Variants in ZEB2 observed in about 807,000 individuals in gnomAD.
The protein encoded by ZEB2 is zinc finger E-box-binding homeobox 2.
In ZEB2, 6 loss-of-function variants were observed where a neutral mutation model predicts 99.9. The observed-to-expected ratio is 0.06, with a 90% CI of 0.03 to 0.12. The LOEUF is 0.12. Among genes scored for constraint, ZEB2 ranks in the 10% least tolerant of loss-of-function variants. ZEB2 has a pLI of 1.00. For missense variants in ZEB2, 969 were observed against 1,502.8 expected (o/e 0.64, Z 5.87); for synonymous variants, 517 against 542.5 (o/e 0.95, Z 0.65).
At chr2:144,447,007 C>T (rs186293233) in intron 2 of ZEB2, among the ~76,000 whole-genome samples, 5 of 134,352 alleles carry the variant, frequency 3.7e-5, no homozygotes, top group Admixed American at 1.6e-4. Flanking sequence ...CAGAGTGAGA[C>T]ACTGTTTCAA....
chr2:144,484,822 C>T (rs911344123), intron 2 of ZEB2, among the ~76,000 whole-genome samples: 2 of 151,928 alleles, frequency 1.3e-5, no homozygotes, highest in Non-Finnish European at 2.9e-5. Context: ...GAACTCTCTG[C>T]CCAGCCTGTA....
Position 144,386,376 on chromosome 2 carries a change from G to A in ZEB2, c.*3075C>T, listed in dbSNP as rs937193312. 2 of 151,992 alleles carry A rather than the reference G, an allele frequency of 1.3e-5. No individual in the cohort carries two copies. The highest frequency in any genetic ancestry group is 4.8e-5 in the African/African-American group (2 of 41,376). The allele number at this position is 151,992 out of a possible 1,614,324, so 9.4% of individuals were successfully genotyped here. Reference sequence around the variant, plus strand: ...GCCCTAATGTGCAATCGTGTCCAGCGGATAAATAGCATTAAAAAAAACTCC... The same window carrying A: ...GCCCTAATGTGCAATCGTGTCCAGCAGATAAATAGCATTAAAAAAAACTCC... On this transcript the variant is annotated 3_prime_UTR_variant, in exon 10 of 10. Transcript: ENST00000627532.
intron 2 of ZEB2, chr2:144,516,558 C>A (rs1705148975): frequency 6.6e-6 from 1 of 150,728 alleles, no homozygotes; most frequent in African/African-American, 2.4e-5. Context: ...TAGAAACTGC[C>A]GGGAAAAGTC....
chr2:144,419,816 T>C lies in ZEB2; in HGVS notation c.403+4980A>G, dbSNP rs768564288. On this transcript the variant is annotated intron_variant, in intron 4 of 9. Coordinates refer to ENST00000627532, the MANE Select transcript of ZEB2 (RefSeq NM_014795.4). ...AAAAAAATAAAAACTGGTGAACTTA[T>C]GCAATGTGGAAAGTTATTAATATAA... is the stretch of plus-strand genomic sequence containing the variant. 1.1e-4 allele frequency among the ~76,000 whole-genome samples: 16 copies of C among 152,358 alleles called. No individual in the cohort carries two copies. The East Asian group carries it at 1.7e-3, about 16-fold the overall frequency.
At chr2:144,495,569 G>A (rs1048666713) in intron 2 of ZEB2, 7 of 152,110 alleles carry the variant, frequency 4.6e-5, no homozygotes, top group African/African-American at 1.2e-4. Flanking sequence ...AAATATATAC[G>A]CCTAGACTGT....
chr2:144,463,863 AAAAAG>A (rs1413811922), intron 2 of ZEB2: 10 of 151,550 alleles, frequency 6.6e-5, no homozygotes, highest in African/African-American at 1.7e-4. Context: ...CAAAAAACAA[AAAAAG>A]AAAGACAGAG....
intron 4 of ZEB2, among the ~76,000 whole-genome samples, chr2:144,406,527 C>T (rs1420248427): frequency 6.6e-6 from 1 of 152,036 alleles, no homozygotes; most frequent in African/African-American, 2.4e-5. Flanking sequence ...TGGAGAAGAG[C>T]AGCATGTGCA....
chr2:144,472,096 A>G (rs773750063), intron 2 of ZEB2, among the ~76,000 whole-genome samples: 21 of 144,806 alleles, frequency 1.5e-4, no homozygotes, highest in Admixed American at 8.7e-4. Flanking sequence ...ATTTAATGGG[A>G]AAAAAAAACT....
At chr2:144,401,118 T>G in intron 7 of ZEB2, 81 bp downstream of exon 7, 2 of 1,260,656 alleles carry the variant, frequency 1.6e-6, no homozygotes, top group Admixed American at 1.7e-5. Context: ...CAAATAGGAC[T>G]GTGTAAATTT....
At chr2:144,470,496 A>G (rs1324104236) in intron 2 of ZEB2, 1 of 152,204 alleles carries the variant, frequency 6.6e-6, no homozygotes, top group South Asian at 2.1e-4. Flanking sequence ...TTTTAAAGTC[A>G]GTCTGTAGAA....
chr2:144,389,518 C>T lies in ZEB2; in HGVS notation c.3578G>A (p.Ser1193Asn). 6.2e-7 allele frequency: 1 copy of T among 1,614,132 alleles called. No homozygotes were observed. Among genetic ancestry groups the T allele is most frequent in the South Asian group, 1.1e-5 (1 of 91,080 alleles). ...GGTTTCCATTTTCCCATCCTCCGAA[C>T]TATCGTCCATGGAGTGATCTCCAGT... Reference protein sequence around the residue: ...EETGDHSMDDSSEDGKMETKS... With the variant: ...EETGDHSMDDNSEDGKMETKS... The change falls in exon 10 of 10, where the codon AGT becomes AAT. Residue 1193 changes from serine to asparagine, a missense_variant. Transcript: ENST00000627532. The surrounding 1 kb of genome is among the most constrained non-coding windows in gnomAD (Gnocchi z 6.8).
intron 4 of ZEB2, among the ~76,000 whole-genome samples, chr2:144,410,218 A>G (rs548594931): frequency 2.6e-5 from 4 of 152,274 alleles, no homozygotes; most frequent in Admixed American, 1.3e-4. Flanking sequence ...CATAAAAAAG[A>G]ATGTTAATTA....
At chr2:144,442,837 G>A (rs1703934382) in intron 2 of ZEB2, among the ~76,000 whole-genome samples, 3 of 151,852 alleles carry the variant, frequency 2.0e-5, no homozygotes, top group East Asian at 1.9e-4. Context: ...ATCTGCACTC[G>A]CCTTTTTTCT....
chr2:144,515,213 ATG>A (rs1705110961), intron 2 of ZEB2, among the ~76,000 whole-genome samples: 3 of 152,168 alleles, frequency 2.0e-5, no homozygotes, highest in Non-Finnish European at 2.9e-5. Flanking sequence ...AAAAAAAAAA[ATG>A]ACTGTTTAAC....
intron 2 of ZEB2, among the ~76,000 whole-genome samples, chr2:144,494,069 C>T (rs998983692): frequency 1.1e-4 from 16 of 139,536 alleles, no homozygotes; most frequent in African/African-American, 4.3e-4. Flanking sequence ...GGAGAATGGC[C>T]TGAACCCGGG....
At chr2:144,494,203 A>G (rs1704728421) in intron 2 of ZEB2, 1 of 152,114 alleles carries the variant, frequency 6.6e-6, no homozygotes. Flanking sequence ...CTAATAAAAC[A>G]GGAATATTTC....
chr2:144,493,554 G>A (rs1704712585), intron 2 of ZEB2, among the ~76,000 whole-genome samples: 3 of 152,086 alleles, frequency 2.0e-5, no homozygotes, highest in Admixed American at 2.0e-4. Context: ...TCCTTGGGGA[G>A]GGAGGAGAAC....
intron 2 of ZEB2, among the ~76,000 whole-genome samples, chr2:144,443,606 G>C (rs1400507416): frequency 6.6e-6 from 1 of 152,140 alleles, no homozygotes; most frequent in Non-Finnish European, 1.5e-5. Flanking sequence ...GATAGTGATT[G>C]TTTTCTTTAA....
At chr2:144,497,382 C>T (rs575891967) in intron 2 of ZEB2, among the ~76,000 whole-genome samples, 58 of 152,266 alleles carry the variant, frequency 3.8e-4, no homozygotes, top group African/African-American at 1.4e-3. Context: ...TCAGCCAGAG[C>T]CTGCACATAG....
Sources: gnomAD v4.1 joint callset for allele counts (sites outside exome capture counted in the v4.1 genomes callset) on GRCh38, gnomAD v4.1.1 for gene constraint, Gnocchi (gnomAD v3.1) non-coding constraint, MANE v1.5 for transcripts, NCBI Gene and HGNC (gene_info 2026-07-23, HGNC 2026-07-21) for gene names.